The following NCOR2 variants were observed in gnomAD, a reference collection of about 807,000 sequenced individuals.
NCOR2 encodes CTG repeat protein 26.
In NCOR2, 81 loss-of-function variants were observed where a neutral mutation model predicts 262.9. The observed-to-expected ratio is 0.31, with a 90% CI of 0.26 to 0.37. NCOR2 has a LOEUF of 0.37. Among genes scored for constraint, NCOR2 ranks in the 10% least tolerant of loss-of-function variants. The probability of loss-of-function intolerance (pLI) is 1.00; values close to 1 mark genes in which losing one functional copy is unlikely to be tolerated. For synonymous variants in NCOR2, 1,659 were observed against 1,559.3 expected, an observed-to-expected ratio of 1.06 and a Z score of -1.51; for missense variants, 3,385 against 3,621.4, an observed-to-expected ratio of 0.93 and a Z score of 1.68.
chr12:124,357,354 T>C (rs1263935802), intron 22 of NCOR2, among the ~76,000 whole-genome samples: 4 of 152,216 alleles, frequency 2.6e-5, no homozygotes, highest in Non-Finnish European at 5.9e-5. Context: ...GGTCTTGCTA[T>C]GTTGCCCCAG....
At chr12:124,495,387 A>C (rs1210488010), upstream of NCOR2, 11 of 1,433,428 alleles carry the variant, frequency 7.7e-6, no homozygotes, top group Non-Finnish European at 1.0e-5. This position sits in a 1 kb window ranked among gnomAD's most constrained non-coding sequence, Gnocchi z 4.4. Context: ...AAACAAGAAA[A>C]GAAAAACAAG....
intron 4 of NCOR2, among the ~76,000 whole-genome samples, chr12:124,472,157 G>A (rs1453323062): frequency 6.6e-6 from 1 of 152,226 alleles, no homozygotes; most frequent in African/African-American, 2.4e-5. Context: ...AGGGACATCT[G>A]AGCAGAGACC....
chr12:124,501,913 G>A (rs1045485046), intron 1 of NCOR2, among the ~76,000 whole-genome samples: 2 of 152,220 alleles, frequency 1.3e-5, no homozygotes, highest in African/African-American at 4.8e-5. Context: ...AGTCTGGCCC[G>A]AGGAGAAGCC....
rs534638146 is a variant in NCOR2, at chr12:124,443,265, G to A, written c.816-5269C>T. Among the ~76,000 whole-genome samples the A allele has an allele frequency of 9.8e-5, 15 of 152,312 alleles. No homozygotes were observed. In the South Asian group the frequency reaches 2.1e-3, roughly 21 times the overall value. On this transcript the variant is annotated intron_variant, in intron 7 of 46. Coordinates refer to ENST00000405201, the Ensembl canonical transcript of NCOR2. The surrounding 1 kb of genome is among the most constrained non-coding windows in gnomAD (Gnocchi z 4.4). ...GGGTGGTGGTGATGTGCATGCAGCCGTCTGTTTGCCACCGATGGGCAGCAA... is the reference window on the plus strand; with the variant it reads ...GGGTGGTGGTGATGTGCATGCAGCCATCTGTTTGCCACCGATGGGCAGCAA...
At position 124,450,858 on chromosome 12, in the gene NCOR2, C is replaced by T. The variant is rs540333143; in HGVS notation, c.763-991G>A. ...ACTTATTCCATCTGTGCCTCCATTT[C>T]TCCTCATCTATAAAATGGGGTTAAA... On this transcript the variant is annotated intron_variant, in intron 6 of 46. Transcript: ENST00000405201. 3.9e-5 allele frequency among the ~76,000 whole-genome samples: 6 copies of T among 152,348 alleles called. No individual in the cohort carries two copies. In the East Asian group the frequency reaches 1.2e-3, roughly 29 times the overall value.
chr12:124,559,999 C>G (rs2052016567), intron 1 of NCOR2, among the ~76,000 whole-genome samples: 1 of 152,220 alleles, frequency 6.6e-6, no homozygotes, highest in South Asian at 2.1e-4. Context: ...CTACTGCATT[C>G]TACAACAGCA....
At chr12:124,356,752 C>T in exon 23 of NCOR2, 1 of 1,492,620 alleles carries the variant, frequency 6.7e-7, no homozygotes, top group Non-Finnish European at 8.8e-7. Context: ...AGGGGGGTCC[C>T]CAGGCAGCTT....
At position 124,378,822 on chromosome 12, in the gene NCOR2, C is replaced by T. The variant is rs1048234346; in HGVS notation, c.2020-438G>A. Among the ~76,000 whole-genome samples, 4 of 152,220 alleles carry T rather than the reference C, an allele frequency of 2.6e-5. No individual in the cohort carries two copies. The highest frequency in any genetic ancestry group is 7.2e-5 in the African/African-American group (3 of 41,458). On this transcript the variant is annotated intron_variant, in intron 17 of 46. Transcript: ENST00000405201. The surrounding 1 kb of genome is among the most constrained non-coding windows in gnomAD (Gnocchi z 4.2). ...GGGGAACAGGCCAGCCTGGGAAGCT[C>T]GCGTTTCATTCCCTGAACCTTTACA... is the stretch of plus-strand genomic sequence containing the variant.
At chr12:124,451,919 G>A (rs1048599911) in intron 6 of NCOR2, among the ~76,000 whole-genome samples, 12 of 149,224 alleles carry the variant, frequency 8.0e-5, no homozygotes, top group Admixed American at 6.8e-5. Flanking sequence ...TGACAATGTC[G>A]CCTTTCCCCC....
At chr12:124,507,439 C>G (rs1002677933) in intron 1 of NCOR2, among the ~76,000 whole-genome samples, 3 of 152,056 alleles carry the variant, frequency 2.0e-5, no homozygotes, top group Admixed American at 1.3e-4. Flanking sequence ...CCGCGGTGGC[C>G]CCAAAGGCTC....
Position 124,447,161 on chromosome 12 carries a change from C to T in NCOR2, c.815+2654G>A, listed in dbSNP as rs34346265. Among the ~76,000 whole-genome samples, 1,180 of 152,332 alleles carry T rather than the reference C, an allele frequency of 7.7e-3. 5 individuals carry two copies. Among genetic ancestry groups the T allele is most frequent in the Non-Finnish European group, 0.013 (903 of 68,040 alleles). On this transcript the variant is annotated intron_variant, in intron 7 of 46. Transcript: ENST00000405201. Reference sequence around the variant, plus strand: ...AACTCCTGACCTCAAGTTATCTGCCCGCCTCGGCCTTCCAAAGCGCGGGGA... The same window carrying T: ...AACTCCTGACCTCAAGTTATCTGCCTGCCTCGGCCTTCCAAAGCGCGGGGA...
chr12:124,540,369 C>T (rs2051254518), upstream of NCOR2, among the ~76,000 whole-genome samples: 2 of 139,740 alleles, frequency 1.4e-5, no homozygotes, highest in African/African-American at 5.5e-5. Flanking sequence ...GGGCAAGAAC[C>T]AGATCAGAGG....
In NCOR2 at chr12:124,350,484, T is replaced by G. The variant is rs981994480; in HGVS notation, c.3844+103A>C. 2.8e-6 allele frequency: 4 copies of G among 1,445,948 alleles called. No individual in the cohort carries two copies. The African/African-American group carries it at 5.6e-5, about 20-fold the overall frequency. 89.6% of individuals were successfully genotyped at this position (1,445,948 alleles called of 1,614,324 possible). A position where few individuals can be genotyped will look rare whatever the true frequency, so the allele number is the denominator to read the frequency against. ...AAGGAGGTCACCACCTATCAGATTG[T>G]GCTTTCTGATGTCAATCCAGCCCTG... On this transcript the variant is annotated intron_variant, in intron 28 of 46. Coordinates refer to ENST00000405201, the Ensembl canonical transcript of NCOR2.
upstream of NCOR2, chr12:124,539,618 G>A (rs2051228097): frequency 6.6e-6 from 1 of 152,394 alleles, no homozygotes; most frequent in Non-Finnish European, 1.5e-5. This position sits in a 1 kb window ranked among gnomAD's most constrained non-coding sequence, Gnocchi z 5.1. Flanking sequence ...TGCACGGGGA[G>A]AGCAAGGACC....
intron 1 of NCOR2, among the ~76,000 whole-genome samples, chr12:124,564,125 G>A (rs115721499): frequency 0.022 from 3,347 of 152,332 alleles, 117 homozygotes; most frequent in African/African-American, 0.075. Context: ...TATTACTAGC[G>A]TATGATCCAC....
rs199574610 is a variant in NCOR2, at chr12:124,400,680, G to T, written c.1641-7C>A. The T allele has an allele frequency of 6.9e-5, 111 of 1,612,884 alleles. No individual in the cohort carries two copies. Among genetic ancestry groups the T allele is most frequent in the Non-Finnish European group, 8.9e-5 (105 of 1,179,136 alleles). ...GGTGTCGTCTGTCTTCTCCCTACAGGCCAGAGAGGGGAGATAGGATGGCTT... is the reference window on the plus strand; with the variant it reads ...GGTGTCGTCTGTCTTCTCCCTACAGTCCAGAGAGGGGAGATAGGATGGCTT... On this transcript the variant is annotated splice_polypyrimidine_tract_variant and splice_region_variant and intron_variant, in intron 14 of 46. Transcript: ENST00000405201.
chr12:124,501,068 A>ACG (rs2048703738), intron 1 of NCOR2, among the ~76,000 whole-genome samples: 2 of 30,210 alleles, frequency 6.6e-5, no homozygotes, highest in Admixed American at 3.7e-4. Flanking sequence ...GCGCGCACAC[A>ACG]CACACACACA....
At chr12:124,383,461 C>T in intron 17 of NCOR2, 1 of 883,064 alleles carries the variant, frequency 1.1e-6, no homozygotes, top group Non-Finnish European at 1.5e-6. Flanking sequence ...GTGCCTTAAG[C>T]ATGGCCCGTG....
At chr12:124,356,763 C>T (rs753909234) in exon 23 of NCOR2, 1 of 1,487,330 alleles carries the variant, frequency 6.7e-7, no homozygotes, top group Non-Finnish European at 8.9e-7. Context: ...CAGGCAGCTT[C>T]TGGGCCTCGG....
Sources: gnomAD v4.1 joint callset for allele counts (sites outside exome capture counted in the v4.1 genomes callset) on GRCh38, gnomAD v4.1.1 for gene constraint, Gnocchi (gnomAD v3.1) non-coding constraint, MANE v1.5 for transcripts, NCBI Gene and HGNC (gene_info 2026-07-23, HGNC 2026-07-21) for gene names.